NYAP2: variants seen among roughly 807,000 people sequenced by gnomAD.
NYAP2 encodes neuronal tyrosine-phosphorylated phosphoinositide-3-kinase adapter 2.
A neutral mutation model predicts 50.4 loss-of-function variants in NYAP2; 23 were observed. The observed-to-expected ratio is 0.46, with a 90% CI of 0.33 to 0.65. The LOEUF (loss-of-function observed/expected upper bound fraction) is 0.65. NYAP2 is among the 30% of genes least tolerant of loss of function. The pLI is 0.02. For missense variants in NYAP2, 885 were observed against 861.0 expected, an observed-to-expected ratio of 1.03 and a Z score of -0.35; for synonymous variants, 394 against 365.2, an observed-to-expected ratio of 1.08 and a Z score of -0.90.
intron 4 of NYAP2, among the ~76,000 whole-genome samples, chr2:225,539,324 A>G (rs1691416262): frequency 6.6e-6 from 1 of 152,320 alleles, no homozygotes; most frequent in Non-Finnish European, 1.5e-5. Flanking sequence ...ATGTGTCTTT[A>G]TAGTAGAATG....
chr2:225,634,141 G>A (rs945022193), intron 6 of NYAP2, among the ~76,000 whole-genome samples: 1 of 152,212 alleles, frequency 6.6e-6, no homozygotes, highest in Non-Finnish European at 1.5e-5. Flanking sequence ...AGCACTAAAA[G>A]AGAAATAGAG....
chr2:225,487,040 C>T (rs1412414369), intron 3 of NYAP2, among the ~76,000 whole-genome samples: 1 of 152,220 alleles, frequency 6.6e-6, no homozygotes, highest in Admixed American at 6.5e-5. Flanking sequence ...TCAAGGCCAG[C>T]CTGGTGCTCT....
the NYAP2 span, among the ~76,000 whole-genome samples, chr2:225,679,303 A>G: frequency 6.6e-6 from 1 of 152,116 alleles, no homozygotes; most frequent in Non-Finnish European, 1.5e-5. Context: ...GATGTTTTGC[A>G]TTAATTATAT....
At chr2:225,605,884 C>T (rs1296343412) in intron 5 of NYAP2, among the ~76,000 whole-genome samples, 1 of 152,062 alleles carries the variant, frequency 6.6e-6, no homozygotes, top group Admixed American at 6.6e-5. Flanking sequence ...ACAGTGGAAT[C>T]ACAAGATCTA....
chr2:225,432,995 T>G (rs779813312), intron 3 of NYAP2, among the ~76,000 whole-genome samples: 4 of 152,318 alleles, frequency 2.6e-5, no homozygotes, highest in South Asian at 2.1e-4. Flanking sequence ...GTCACATGAC[T>G]ATGCCTAGCT....
At chr2:225,406,519 C>T (rs1156531518) in intron 2 of NYAP2, among the ~76,000 whole-genome samples, 1 of 151,808 alleles carries the variant, frequency 6.6e-6, no homozygotes, top group Non-Finnish European at 1.5e-5. Flanking sequence ...GGACACAATT[C>T]TGCCTTCATT....
chr2:225,630,238 T>C (rs1693283079), intron 6 of NYAP2, among the ~76,000 whole-genome samples: 1 of 152,206 alleles, frequency 6.6e-6, no homozygotes, highest in Non-Finnish European at 1.5e-5. Flanking sequence ...GCCTTTTAGC[T>C]ATGAAGTATA....
chr2:225,634,611 A>G (rs756197511), intron 6 of NYAP2, among the ~76,000 whole-genome samples: 2 of 152,244 alleles, frequency 1.3e-5, no homozygotes, highest in Non-Finnish European at 2.9e-5. Context: ...TATACTAATT[A>G]TAAATGCATG....
intron 4 of NYAP2, among the ~76,000 whole-genome samples, chr2:225,548,922 C>G (rs1314666389): frequency 6.7e-6 from 1 of 149,702 alleles, no homozygotes. Context: ...TTGCTCATTG[C>G]CCAGGCTGGA....
At chr2:225,648,260 C>G (rs1693668502) in intron 6 of NYAP2, among the ~76,000 whole-genome samples, 1 of 152,124 alleles carries the variant, frequency 6.6e-6, no homozygotes, top group African/African-American at 2.4e-5. Context: ...CTTGGCCTCC[C>G]AAAGTGCTGG....
chr2:225,617,562 C>A (rs1410409229), intron 5 of NYAP2, among the ~76,000 whole-genome samples: 1 of 151,846 alleles, frequency 6.6e-6, no homozygotes, highest in Non-Finnish European at 1.5e-5. Context: ...TTAAATATTG[C>A]AAAAAAATAG....
intron 3 of NYAP2, among the ~76,000 whole-genome samples, chr2:225,486,022 C>G (rs928927276): frequency 6.6e-6 from 1 of 152,124 alleles, no homozygotes; most frequent in South Asian, 2.1e-4. Flanking sequence ...AAACTGCCCC[C>G]ACTTCTCTCC....
chr2:225,440,288 T>A (rs10196512), intron 3 of NYAP2, among the ~76,000 whole-genome samples: 18,608 of 152,222 alleles, frequency 0.12, 2,078 homozygotes, highest in African/African-American at 0.3. Context: ...TAAATGAAGA[T>A]ATTTCAATTA....
chr2:225,588,032 C>A (rs1213566267), intron 5 of NYAP2, among the ~76,000 whole-genome samples: 1 of 152,044 alleles, frequency 6.6e-6, no homozygotes, highest in Non-Finnish European at 1.5e-5. Context: ...TCAAGAAATT[C>A]TCCTGCCTCA....
chr2:225,460,973 A>G (rs1689819514), intron 3 of NYAP2, among the ~76,000 whole-genome samples: 1 of 142,316 alleles, frequency 7.0e-6, no homozygotes, highest in Non-Finnish European at 1.5e-5. Flanking sequence ...TGCCTGAGCG[A>G]CAGAGCGAGA....
At chr2:225,619,741 C>A (rs1693056308) in intron 5 of NYAP2, among the ~76,000 whole-genome samples, 1 of 152,144 alleles carries the variant, frequency 6.6e-6, no homozygotes. Context: ...GGATTAGAAT[C>A]CTGGAGAGAG....
At chr2:225,425,944 A>C (rs1376340114) in intron 3 of NYAP2, among the ~76,000 whole-genome samples, 1 of 152,160 alleles carries the variant, frequency 6.6e-6, no homozygotes, top group Non-Finnish European at 1.5e-5. Flanking sequence ...AGAGAGAAAA[A>C]GAAAGAAATA....
chr2:225,415,233 C>A (rs915657048), intron 3 of NYAP2, among the ~76,000 whole-genome samples: 2 of 152,098 alleles, frequency 1.3e-5, no homozygotes, highest in African/African-American at 4.8e-5. Context: ...ACTATATATA[C>A]TTGAAAGCTA....
chr2:225,518,912 G>T (rs1690992372), intron 4 of NYAP2, among the ~76,000 whole-genome samples: 1 of 151,908 alleles, frequency 6.6e-6, no homozygotes, highest in Non-Finnish European at 1.5e-5. Flanking sequence ...CAGCTACTCA[G>T]AAAGCTGAGG....
Sources: allele counts gnomAD v4.1 joint callset (sites outside exome capture counted in the v4.1 genomes callset), GRCh38; gene constraint gnomAD v4.1.1; transcripts MANE v1.5; gene names NCBI Gene and HGNC (gene_info 2026-07-23, HGNC 2026-07-21).